Variants in ACACA observed in about 807,000 individuals in gnomAD.
ACACA encodes acetyl-CoA carboxylase 1.
Under a neutral mutation model 296.1 loss-of-function variants are expected in ACACA, and 103 were observed. That is an observed-to-expected ratio of 0.35 (90% CI 0.30 to 0.41). ACACA has a LOEUF of 0.41. ACACA is among the 10% of genes least tolerant of loss of function. The pLI is 1.00. For synonymous variants in ACACA, 953 were observed against 1,038.6 expected, an observed-to-expected ratio of 0.92 and a Z score of 1.58; for missense variants, 1,554 against 2,989.7, an observed-to-expected ratio of 0.52 and a Z score of 11.20.
At chr17:37,140,867 A>G (rs1198696108) in intron 45 of ACACA, 7 of 239,700 alleles carry the variant, frequency 2.9e-5, no homozygotes, top group Admixed American at 5.3e-5. Context: ...CTTGGGCACC[A>G]GGGCCGAGAT....
Position 37,179,241 on chromosome 17 carries a change from G to A in ACACA, c.5079+19C>T. ...TGGGCACAGAGATAAGAAAGGGAAGGGGGGTTTCAACTACTTGCCTCATTT... is the reference window on the plus strand; with the variant it reads ...TGGGCACAGAGATAAGAAAGGGAAGAGGGGTTTCAACTACTTGCCTCATTT... On this transcript the variant is annotated intron_variant, in intron 41 of 55. Transcript: ENST00000616317. 3.7e-6 allele frequency: 6 copies of A among 1,614,064 alleles called. No homozygotes were observed. The highest frequency in any genetic ancestry group is 5.1e-6 in the Non-Finnish European group (6 of 1,180,000).
rs951196220 is a variant in ACACA at position 37,274,689 on chromosome 17, C to T, written c.902-390G>A. On this transcript the variant is annotated intron_variant, in intron 8 of 55. Coordinates refer to ENST00000616317, the MANE Select transcript of ACACA (RefSeq NM_198834.3). ...TGGGAAATAATTCAATCTTTATGAG[C>T]CCTTGGAAATAGAAATGGCGGTTTT... 13 of 985,136 alleles carry T rather than the reference C, an allele frequency of 1.3e-5. No homozygotes were observed. In the East Asian group the frequency reaches 1.5e-3, roughly 112 times the overall value. 61.0% of individuals were successfully genotyped at this position (985,136 alleles called of 1,614,324 possible). A position where few individuals can be genotyped will look rare whatever the true frequency, so the allele number is the denominator to read the frequency against.
intron 15 of ACACA, 77 bp from the exon 16 acceptor site, chr17:37,252,185 A>C (rs1013368679): frequency 2.0e-5 from 24 of 1,196,588 alleles, no homozygotes; most frequent in Non-Finnish European, 2.9e-5. Context: ...ATCAGGCTCA[A>C]ATTTGTTGTG....
At chr17:37,309,035 T>C (rs765019193) in intron 3 of ACACA, among the ~76,000 whole-genome samples, 2 of 152,228 alleles carry the variant, frequency 1.3e-5, no homozygotes, top group Non-Finnish European at 2.9e-5. Flanking sequence ...TTTATTTACT[T>C]TGTAGAGACA....
chr17:37,183,338 ATATCT>A (rs1344121210), intron 39 of ACACA, among the ~76,000 whole-genome samples: 1 of 152,230 alleles, frequency 6.6e-6, no homozygotes, highest in Non-Finnish European at 1.5e-5. Flanking sequence ...CAGTTTGTCA[ATATCT>A]TATAAAGTTA....
chr17:37,119,381 A>G (rs2074408721), intron 50 of ACACA, among the ~76,000 whole-genome samples: 1 of 152,148 alleles, frequency 6.6e-6, no homozygotes, highest in Admixed American at 6.6e-5. Context: ...AACTCAATAA[A>G]AATGTGTAGG....
At chr17:37,291,343 A>C (rs1223255146) in intron 3 of ACACA, among the ~76,000 whole-genome samples, 12 of 151,612 alleles carry the variant, frequency 7.9e-5, no homozygotes, top group Non-Finnish European at 1.8e-4. Context: ...TGCCCGGCTA[A>C]TTTTGTGTTT....
intron 31 of ACACA, among the ~76,000 whole-genome samples, 194 bp from the exon 32 acceptor site, chr17:37,207,073 A>C (rs1045669312): frequency 1.3e-5 from 2 of 152,218 alleles, no homozygotes; most frequent in Admixed American, 1.3e-4. Context: ...GGATTGTTTA[A>C]ACTTTAATAA....
At chr17:37,280,448 C>CCG (rs1218569526) in intron 5 of ACACA, among the ~76,000 whole-genome samples, 1 of 152,136 alleles carries the variant, frequency 6.6e-6, no homozygotes, top group Non-Finnish European at 1.5e-5. Flanking sequence ...TTCAAGTGAT[C>CCG]CGCCTGCCTT....
At position 37,186,713 on chromosome 17, in the gene ACACA, T is replaced by C. The variant is rs1213531614; in HGVS notation, c.4776+1564A>G. Among the ~76,000 whole-genome samples the C allele has an allele frequency of 2.0e-5, 3 of 152,252 alleles. No individual in the cohort carries two copies. The East Asian group carries it at 5.8e-4, about 29-fold the overall frequency. ...AGGGCTTTTAAAATATGCAGGACCC[T>C]AGGTAAAAAGCGTTTTCCTTCAGGT... On this transcript the variant is annotated intron_variant, in intron 39 of 55. Coordinates refer to ENST00000616317, the MANE Select transcript of ACACA (RefSeq NM_198834.3).
rs187200098 is a variant in ACACA at position 37,381,796 on chromosome 17, T to G, written c.38+24466A>C. Among the ~76,000 whole-genome samples the G allele has an allele frequency of 1.7e-3, 259 of 151,740 alleles. 3 individuals are homozygous for G. The highest frequency in any genetic ancestry group is 6.0e-3 in the African/African-American group (248 of 41,252). On this transcript the variant is annotated intron_variant, in intron 1 of 55. Transcript: ENST00000616317. The stretch of plus-strand genomic sequence containing the variant: ...GCACTCGCCACCACACCCAGTTAAT[T>G]TTTTGTATTTTTGGTAGAGATGGGG...
rs766470966 is a variant in ACACA at position 37,097,781 on chromosome 17, C to T, written c.6720+49G>A. 6.2e-7 allele frequency: 1 copy of T among 1,609,212 alleles called. No individual in the cohort carries two copies. Among genetic ancestry groups the T allele is most frequent in the Non-Finnish European group, 8.5e-7 (1 of 1,176,104 alleles). ...AGCCTGTGTGCAACACACACACACA[C>T]TTGCCCACATGTGGGCCTCTGACAA... On this transcript the variant is annotated intron_variant, in intron 53 of 55. Coordinates refer to ENST00000616317, the MANE Select transcript of ACACA (RefSeq NM_198834.3). The surrounding 1 kb of genome is among the most constrained non-coding windows in gnomAD (Gnocchi z 4.8).
rs1210153546 is a variant in ACACA at position 37,206,822 on chromosome 17, G to T, written c.3909C>A (p.Phe1303Leu). 1.2e-6 allele frequency: 2 copies of T among 1,613,814 alleles called. No homozygotes were observed. Among genetic ancestry groups the T allele is most frequent in the South Asian group, 1.1e-5 (1 of 91,070 alleles). The part of the protein sequence containing the change: ...FSDSPPQSPT[F>L]PEAGHTSLYD... ...AAAGAGACGTGTGACCTGCCTCAGG[G>T]AATGTGGGACTCTGGGGTGGGGAGT... is the stretch of plus-strand genomic sequence containing the variant. The change falls in exon 32 of 56, where the codon TTC becomes TTA. Residue 1303 changes from phenylalanine (F) to leucine (L), a missense_variant. Phe to Leu is a conservative substitution (Grantham distance 22). Coordinates refer to ENST00000616317, the MANE Select transcript of ACACA (RefSeq NM_198834.3).
rs2079357057 is a variant in ACACA at position 37,222,740 on chromosome 17, G to A, written c.3564+772C>T. 1.3e-5 allele frequency among the ~76,000 whole-genome samples: 2 copies of A among 152,252 alleles called. 1 individual carries two copies. Among genetic ancestry groups the A allele is most frequent in the Middle Eastern group, 6.8e-3 (2 of 294 alleles). ...AATAAAAAGTAACACAAAAGAGCTG[G>A]CAACAGACTACCGTGATGTTACATT... On this transcript the variant is annotated intron_variant, in intron 28 of 55. Coordinates refer to ENST00000616317, the MANE Select transcript of ACACA (RefSeq NM_198834.3).
chr17:37,201,628 C>A (rs546134481), intron 33 of ACACA, among the ~76,000 whole-genome samples: 1 of 152,042 alleles, frequency 6.6e-6, no homozygotes, highest in Non-Finnish European at 1.5e-5. Context: ...ATTATAACAG[C>A]AAGCAGAAAA....
At chr17:37,290,597 C>T (rs1332536546) in intron 3 of ACACA, among the ~76,000 whole-genome samples, 2 of 152,146 alleles carry the variant, frequency 1.3e-5, no homozygotes, top group Non-Finnish European at 2.9e-5. Flanking sequence ...TGAATTCAAC[C>T]TTTCTGACTC....
At chr17:37,375,311 G>C (rs542015015) in intron 1 of ACACA, among the ~76,000 whole-genome samples, 324 of 152,054 alleles carry the variant, frequency 2.1e-3, no homozygotes, top group African/African-American at 7.5e-3. Context: ...ACGGTGAAAC[G>C]CTGTCTCTAC....
intron 11 of ACACA, among the ~76,000 whole-genome samples, chr17:37,260,277 TA>T (rs1567899116): frequency 6.3e-5 from 2 of 31,850 alleles, no homozygotes; most frequent in African/African-American, 1.9e-4. Context: ...TATATATATA[TA>T]TATATATATA....
intron 48 of ACACA, 79 bp downstream of exon 48, chr17:37,125,619 A>T: frequency 8.3e-7 from 1 of 1,201,016 alleles, no homozygotes. Flanking sequence ...TTATTGGTAT[A>T]TATCTATAGA....
Sources: allele counts gnomAD v4.1 joint callset (sites outside exome capture counted in the v4.1 genomes callset), GRCh38; gene constraint gnomAD v4.1.1; non-coding constraint Gnocchi (gnomAD v3.1); transcripts MANE v1.5; gene names NCBI Gene and HGNC (gene_info 2026-07-23, HGNC 2026-07-21).